Variants in TMTC2 observed in about 807,000 individuals in gnomAD.
TMTC2 encodes the protein transmembrane O-mannosyltransferase targeting cadherins 2, also known as protein O-mannosyl-transferase TMTC2.
A neutral mutation model predicts 82.4 loss-of-function variants in TMTC2; 43 were observed. The observed-to-expected ratio is 0.52, with a 90% CI of 0.41 to 0.67. The LOEUF (loss-of-function observed/expected upper bound fraction) is 0.67. Ranked by LOEUF, TMTC2 falls within the 30% of genes least tolerant of loss-of-function variation. The probability of loss-of-function intolerance (pLI) is 0.00; values close to 1 mark genes in which losing one functional copy is unlikely to be tolerated. For synonymous variants in TMTC2, 408 were observed against 381.9 expected, an observed-to-expected ratio of 1.07 and a Z score of -0.80; for missense variants, 919 against 1,012.4, an observed-to-expected ratio of 0.91 and a Z score of 1.25.
At chr12:82,954,065 T>G (rs1303722981) in intron 4 of TMTC2, among the ~76,000 whole-genome samples, 1 of 152,118 alleles carries the variant, frequency 6.6e-6, no homozygotes, top group Admixed American at 6.5e-5. Context: ...CTGAAACTCA[T>G]TCTTGGTAAT....
At chr12:82,832,676 C>T (rs1489733605) in intron 1 of TMTC2, among the ~76,000 whole-genome samples, 1 of 152,170 alleles carries the variant, frequency 6.6e-6, no homozygotes, top group Non-Finnish European at 1.5e-5. Flanking sequence ...CACAAATCTT[C>T]ACTACAAATA....
At chr12:83,077,901 T>TTTTTTC (rs1565879959) in intron 11 of TMTC2, among the ~76,000 whole-genome samples, 3 of 141,122 alleles carry the variant, frequency 2.1e-5, no homozygotes, top group Admixed American at 7.1e-5. Context: ...TTTTTTTTTT[T>TTTTTTC]TTTTAACAGG....
intron 9 of TMTC2, among the ~76,000 whole-genome samples, chr12:83,035,654 CTT>C (rs1414086586): frequency 6.6e-6 from 1 of 152,160 alleles, no homozygotes; most frequent in East Asian, 1.9e-4. Flanking sequence ...TATATAAAGT[CTT>C]TATTGAATTC....
chr12:83,127,608 AT>A (rs1320884292), intron 11 of TMTC2, among the ~76,000 whole-genome samples: 1 of 152,124 alleles, frequency 6.6e-6, no homozygotes, highest in Non-Finnish European at 1.5e-5. Flanking sequence ...CCAACCCTAA[AT>A]CCCCACATAG....
intron 9 of TMTC2, among the ~76,000 whole-genome samples, chr12:83,033,268 T>C (rs1358996382): frequency 1.3e-5 from 2 of 152,324 alleles, no homozygotes; most frequent in Non-Finnish European, 2.9e-5. Context: ...TTAATGATTT[T>C]CTTTTAGAGG....
At chr12:83,033,478 C>G (rs1881524350) in intron 9 of TMTC2, among the ~76,000 whole-genome samples, 1 of 152,112 alleles carries the variant, frequency 6.6e-6, no homozygotes, top group African/African-American at 2.4e-5. Flanking sequence ...TGAGTTCGGG[C>G]ACGGCGGCTC....
intron 7 of TMTC2, among the ~76,000 whole-genome samples, chr12:82,975,250 A>G (rs1229925687): frequency 1.3e-5 from 2 of 152,238 alleles, no homozygotes; most frequent in East Asian, 3.9e-4. Flanking sequence ...AATTGTATGT[A>G]TTTTGCTGTG....
chr12:83,021,723 G>A (rs1325630174), intron 8 of TMTC2, among the ~76,000 whole-genome samples: 1 of 152,028 alleles, frequency 6.6e-6, no homozygotes, highest in East Asian at 1.9e-4. Context: ...TACTTCCACT[G>A]CTGTCACTTT....
At chr12:82,970,973 T>G (rs1878423669) in intron 7 of TMTC2, among the ~76,000 whole-genome samples, 1 of 152,178 alleles carries the variant, frequency 6.6e-6, no homozygotes, top group African/African-American at 2.4e-5. Context: ...CATGATTTAT[T>G]TTTCATCTAG....
chr12:82,708,573 G>A (rs1044506469), intron 1 of TMTC2, among the ~76,000 whole-genome samples: 9 of 152,192 alleles, frequency 5.9e-5, no homozygotes, highest in African/African-American at 2.2e-4. Flanking sequence ...CGATTTTCAT[G>A]CAACTGTAAG....
At chr12:82,854,460 A>G (rs1871148166) in intron 1 of TMTC2, among the ~76,000 whole-genome samples, 1 of 151,606 alleles carries the variant, frequency 6.6e-6, no homozygotes, top group Non-Finnish European at 1.5e-5. Flanking sequence ...AGCAGGAAGG[A>G]GGAGGGTAGG....
chr12:82,796,336 G>A (rs1009471034), intron 1 of TMTC2, among the ~76,000 whole-genome samples: 1 of 152,120 alleles, frequency 6.6e-6, no homozygotes, highest in African/African-American at 2.4e-5. Context: ...AATTAGTTCT[G>A]TAATAGACTG....
intron 1 of TMTC2, among the ~76,000 whole-genome samples, chr12:82,847,423 AACCCAGCAATCCCATT>A (rs1870745383): frequency 6.6e-6 from 1 of 152,166 alleles, no homozygotes; most frequent in Admixed American, 6.5e-5. Flanking sequence ...TTAATTTATT[AACCCAGCAATCCCATT>A]ACTGGGTATA....
chr12:82,842,877 G>A (rs546540678), intron 1 of TMTC2, among the ~76,000 whole-genome samples: 106 of 152,174 alleles, frequency 7.0e-4, no homozygotes, highest in African/African-American at 2.4e-3. Context: ...CACCCGAAAT[G>A]CCTCATTTTA....
chr12:82,819,755 G>A (rs11115441), intron 1 of TMTC2, among the ~76,000 whole-genome samples: 5,400 of 152,016 alleles, frequency 0.036, 299 homozygotes, highest in African/African-American at 0.12. Flanking sequence ...CACCTGCCTC[G>A]GCTTCCCAAA....
intron 1 of TMTC2, among the ~76,000 whole-genome samples, chr12:82,764,934 G>A (rs570745970): frequency 6.7e-6 from 1 of 149,202 alleles, no homozygotes; most frequent in South Asian, 2.1e-4. Flanking sequence ...AGACAAAACA[G>A]GGCAGGGGAA....
At chr12:82,847,333 T>G (rs554760701) in intron 1 of TMTC2, among the ~76,000 whole-genome samples, 2 of 152,156 alleles carry the variant, frequency 1.3e-5, no homozygotes, top group Admixed American at 6.5e-5. Flanking sequence ...AAGTGATAAT[T>G]CCCTACATAC....
intron 2 of TMTC2, among the ~76,000 whole-genome samples, chr12:82,882,144 C>T (rs535863509): frequency 6.7e-6 from 1 of 148,666 alleles, no homozygotes; most frequent in South Asian, 2.1e-4. Flanking sequence ...GGACTACAGG[C>T]GCCCGCCACT....
chr12:83,015,634 A>G (rs1880642461), intron 8 of TMTC2, among the ~76,000 whole-genome samples: 1 of 152,142 alleles, frequency 6.6e-6, no homozygotes, highest in South Asian at 2.1e-4. Context: ...TTTCTGTTCT[A>G]CCTCACCATG....
Sources: allele counts gnomAD v4.1 joint callset (sites outside exome capture counted in the v4.1 genomes callset), GRCh38; gene constraint gnomAD v4.1.1; transcripts MANE v1.5; gene names NCBI Gene and HGNC (gene_info 2026-07-23, HGNC 2026-07-21).